The following UBE2Q1 variants were observed in gnomAD, a reference collection of about 807,000 sequenced individuals.
UBE2Q1 encodes the protein ubiquitin conjugating enzyme E2 Q1, also known as ubiquitin-conjugating enzyme E2 Q1.
Under a neutral mutation model 60.1 loss-of-function variants are expected in UBE2Q1, and 6 were observed. The observed-to-expected ratio is 0.10, with a 90% CI of 0.05 to 0.20. The LOEUF (loss-of-function observed/expected upper bound fraction) is 0.20. UBE2Q1 is among the 10% of genes least tolerant of loss of function. UBE2Q1 has a pLI of 1.00. For missense variants in UBE2Q1, 262 were observed against 525.8 expected (o/e 0.50, Z 4.91); for synonymous variants, 226 against 208.3 (o/e 1.09, Z -0.73).
chr1:154,553,010 C>CCT, intron 5 of UBE2Q1, 22 bp downstream of exon 5: 1 of 1,612,416 alleles, frequency 6.2e-7, no homozygotes, highest in Non-Finnish European at 8.5e-7. Context: ...CCTTCACCAG[C>CCT]CTCTCTCTAG....
intron 1 of UBE2Q1, among the ~76,000 whole-genome samples, chr1:154,557,459 A>G (rs753146352): frequency 2.0e-5 from 3 of 152,210 alleles, no homozygotes; most frequent in Non-Finnish European, 4.4e-5. Flanking sequence ...GGATGGAATG[A>G]CGCTCACAGG....
Position 154,552,071 on chromosome 1 carries a change from G to T in UBE2Q1, c.966+22C>A, listed in dbSNP as rs755854492. 14 of 1,613,962 alleles carry T rather than the reference G, an allele frequency of 8.7e-6. No individual in the cohort carries two copies. In the South Asian group the frequency reaches 1.5e-4, roughly 18 times the overall value. On this transcript the variant is annotated intron_variant, in intron 8 of 12. Transcript: ENST00000292211. ...CTGGGCAGCCTAGGCCAGAGGGAGA[G>T]ACTGGAAAAGAAAAGTCTTACTTTA...
At chr1:154,552,858 G>C in intron 5 of UBE2Q1, 38 bp from the exon 6 acceptor site, 1 of 1,611,710 alleles carries the variant, frequency 6.2e-7, no homozygotes, top group Non-Finnish European at 8.5e-7. Flanking sequence ...CCTTGGTCGT[G>C]TGGTTTATAA....
rs77445265 is a variant in UBE2Q1, at chr1:154,558,041, A to G, written c.327+186T>C. Among the ~76,000 whole-genome samples the G allele has an allele frequency of 5.7e-3, 872 of 152,016 alleles. 8 individuals are homozygous for G. The highest frequency in any genetic ancestry group is 0.02 in the African/African-American group (829 of 41,482). On this transcript the variant is annotated intron_variant, in intron 1 of 12. Transcript: ENST00000292211. ...GGGGTGTCCCTTGCTATTGGGGTCA[A>G]TGGTAGAGATTCTGGGTGCACTGCA...
chr1:154,555,316 T>G, intron 3 of UBE2Q1, 112 bp downstream of exon 3: 1 of 902,528 alleles, frequency 1.1e-6, no homozygotes, highest in Non-Finnish European at 1.8e-6. Flanking sequence ...GACGTGTATG[T>G]TTTTGGGAGC....
rs1695815862 is a variant in UBE2Q1, at chr1:154,552,834, A to G, written c.730-14T>C. 6.2e-7 allele frequency: 1 copy of G among 1,613,532 alleles called. No individual in the cohort carries two copies. Among genetic ancestry groups the G allele is most frequent in the South Asian group, 1.1e-5 (1 of 90,990 alleles). On this transcript the variant is annotated splice_polypyrimidine_tract_variant and intron_variant, in intron 5 of 12. Transcript: ENST00000292211. The stretch of plus-strand genomic sequence containing the variant: ...AGACACTGCACCCTGTGAGGGACGG[A>G]TGACAGGAACATTCCTTGGTCGTGT...
Position 154,558,512 on chromosome 1 carries a change from C to T in UBE2Q1, c.42G>A (p.Pro14=), listed in dbSNP as rs1695935122. The T allele has an allele frequency of 8.6e-7, 1 of 1,159,260 alleles. No homozygotes were observed. The highest frequency in any genetic ancestry group is 1.1e-6 in the Non-Finnish European group (1 of 948,146). The allele number at this position is 1,159,260 out of a possible 1,614,324, so 71.8% of individuals were successfully genotyped here. A position where few individuals can be genotyped will look rare whatever the true frequency, so the allele number is the denominator to read the frequency against. ...CCCCCTGGCCCCCCAGCTGCTGCCC[C>T]GGCCCCGGCTGCTGCTGCCCCTGCG... ...PQPQGQQQPG[P]GQQLGGQGAA... The change falls in exon 1 of 13, where the codon CCG becomes CCA. Residue 14 remains proline, a synonymous_variant. Coordinates refer to ENST00000292211, the MANE Select transcript of UBE2Q1 (RefSeq NM_017582.7).
chr1:154,552,997 AC>A (rs779000874), intron 5 of UBE2Q1, 34 bp downstream of exon 5: 1 of 1,610,520 alleles, frequency 6.2e-7, no homozygotes, highest in East Asian at 2.2e-5. Context: ...TTTCCCACCA[AC>A]CCCTTCACCA....
chr1:154,551,121 G>T, intron 11 of UBE2Q1, 117 bp from the exon 12 acceptor site: 1 of 1,189,566 alleles, frequency 8.4e-7, no homozygotes, highest in Non-Finnish European at 1.2e-6. Flanking sequence ...CTGTGGTCTA[G>T]TAAAACACTA....
At chr1:154,550,792 CCCT>C (rs1280878523) in intron 12 of UBE2Q1, 143 bp downstream of exon 12, 2 of 1,538,236 alleles carry the variant, frequency 1.3e-6, no homozygotes, top group African/African-American at 2.7e-5. Context: ...CACCGCCAGT[CCCT>C]CCTGGGAGAA....
chr1:154,550,186 T>G lies in UBE2Q1; in HGVS notation c.*252A>C, dbSNP rs145281733. 198 of 475,924 alleles carry G rather than the reference T, an allele frequency of 4.2e-4. 1 individual carries two copies. In the East Asian group the frequency reaches 6.5e-3, roughly 16 times the overall value. 29.5% of individuals were successfully genotyped at this position (475,924 alleles called of 1,614,324 possible). A position where few individuals can be genotyped will look rare whatever the true frequency, so the allele number is the denominator to read the frequency against. ...GGCTCGAAAGTTTCTTTTATAAGAATGCCTGCTAGCAAGGGTTCCAGCAAG... is the reference window on the plus strand; with the variant it reads ...GGCTCGAAAGTTTCTTTTATAAGAAGGCCTGCTAGCAAGGGTTCCAGCAAG... On this transcript the variant is annotated 3_prime_UTR_variant, in exon 13 of 13. Coordinates refer to ENST00000292211, the MANE Select transcript of UBE2Q1 (RefSeq NM_017582.7).
At chr1:154,550,712 G>A in intron 12 of UBE2Q1, 1 of 985,360 alleles carries the variant, frequency 1.0e-6, no homozygotes, top group Non-Finnish European at 1.2e-6. Flanking sequence ...GGTCAAGAAG[G>A]GGGTAGCACC....
chr1:154,556,401 T>G (rs1193455556), intron 1 of UBE2Q1, among the ~76,000 whole-genome samples: 1 of 152,110 alleles, frequency 6.6e-6, no homozygotes, highest in Admixed American at 6.5e-5. Flanking sequence ...ACAATGACAC[T>G]GAAGTGAAAA....
At chr1:154,557,400 G>A in intron 1 of UBE2Q1, among the ~76,000 whole-genome samples, 1 of 152,224 alleles carries the variant, frequency 6.6e-6, no homozygotes, top group Non-Finnish European at 1.5e-5. Context: ...CTCTGTTCAA[G>A]GGATGTCTGA....
chr1:154,552,232 C>G (rs559001634), intron 7 of UBE2Q1, 49 bp from the exon 8 acceptor site: 21 of 1,609,610 alleles, frequency 1.3e-5, no homozygotes, highest in Non-Finnish European at 1.8e-5. Flanking sequence ...ACCTCAGGAG[C>G]TTCATAAGGG....
At chr1:154,558,190 G>A in intron 1 of UBE2Q1, 37 bp downstream of exon 1, 1 of 1,468,400 alleles carries the variant, frequency 6.8e-7, no homozygotes, top group Non-Finnish European at 9.0e-7. Context: ...TCCCTGACAA[G>A]GGGCCCCCAC....
At position 154,550,474 on chromosome 1, in the gene UBE2Q1, A is replaced by G. The variant is rs779294221; in HGVS notation, c.1238-5T>C. Reference sequence around the variant, plus strand: ...CTTTTGGGGGTGTGTACCAGCCTGCAAAGAAATGGAATGGTCAGTGAGGTG... The same window carrying G: ...CTTTTGGGGGTGTGTACCAGCCTGCGAAGAAATGGAATGGTCAGTGAGGTG... On this transcript the variant is annotated splice_region_variant and splice_polypyrimidine_tract_variant and intron_variant, in intron 12 of 12. Transcript: ENST00000292211. 6.2e-7 allele frequency: 1 copy of G among 1,613,902 alleles called. No individual in the cohort carries two copies. Among genetic ancestry groups the G allele is most frequent in the East Asian group, 2.2e-5 (1 of 44,876 alleles).
At position 154,551,192 on chromosome 1, in the gene UBE2Q1, C is replaced by T. The variant is rs995889840; in HGVS notation, c.1171-188G>A. The T allele has an allele frequency of 2.3e-5, 19 of 844,270 alleles. No homozygotes were observed. The South Asian group carries it at 3.2e-4, about 14-fold the overall frequency. 52.3% of individuals were successfully genotyped at this position (844,270 alleles called of 1,614,324 possible). A position where few individuals can be genotyped will look rare whatever the true frequency, so the allele number is the denominator to read the frequency against. On this transcript the variant is annotated intron_variant, in intron 11 of 12. Transcript: ENST00000292211. ...ATCCCATAGTCTTCCTTTTCCAGAC[C>T]CGAAACCTCCCAAAAGTCCTAGGGG...
intron 12 of UBE2Q1, 103 bp downstream of exon 12, chr1:154,550,835 T>C: frequency 6.3e-7 from 1 of 1,598,908 alleles, no homozygotes; most frequent in Non-Finnish European, 8.5e-7. Context: ...AATGGGTGGT[T>C]GAGTATCAGA....
Sources: gnomAD v4.1 joint callset for allele counts (sites outside exome capture counted in the v4.1 genomes callset) on GRCh38, gnomAD v4.1.1 for gene constraint, MANE v1.5 for transcripts, NCBI Gene and HGNC (gene_info 2026-07-23, HGNC 2026-07-21) for gene names.